NELL1: variants seen among roughly 807,000 people sequenced by gnomAD.
The protein encoded by NELL1 is neural EGFL like 1, also known as protein kinase C-binding protein NELL1.
A neutral mutation model predicts 107.4 loss-of-function variants in NELL1; 76 were observed. The observed-to-expected ratio is 0.71, with a 90% confidence interval of 0.59 to 0.86. The LOEUF (loss-of-function observed/expected upper bound fraction) is 0.86, where lower values mean the gene tolerates loss of function less well. NELL1 is among the 40% of genes least tolerant of loss of function. NELL1 has a pLI of 0.00. For synonymous variants in NELL1, 353 were observed against 341.2 expected (o/e 1.03, Z -0.38); for missense variants, 1,024 against 1,005.5 (o/e 1.02, Z -0.25).
At chr11:21,409,676 C>A (rs535844622) in intron 15 of NELL1, among the ~76,000 whole-genome samples, 1 of 151,930 alleles carries the variant, frequency 6.6e-6, no homozygotes, top group African/African-American at 2.4e-5. Flanking sequence ...CCTGTTTTAA[C>A]GTGAGTATAG....
chr11:21,234,085 C>T (rs1360726543), intron 14 of NELL1, among the ~76,000 whole-genome samples: 1 of 152,010 alleles, frequency 6.6e-6, no homozygotes, highest in Admixed American at 6.6e-5. Flanking sequence ...AAGAATTACC[C>T]AAAATACAGA....
intron 15 of NELL1, among the ~76,000 whole-genome samples, chr11:21,380,559 C>T (rs1480775872): frequency 4.6e-5 from 7 of 151,978 alleles, no homozygotes; most frequent in Non-Finnish European, 1.0e-4. Flanking sequence ...TGTTTTTCTT[C>T]TTTCTTGAAT....
intron 15 of NELL1, among the ~76,000 whole-genome samples, chr11:21,378,701 A>T (rs1851539397): frequency 6.7e-6 from 1 of 148,654 alleles, no homozygotes; most frequent in Admixed American, 6.9e-5. Context: ...TAAGACTTAG[A>T]CACACACACT....
chr11:21,422,252 A>G (rs1317279732), intron 15 of NELL1, among the ~76,000 whole-genome samples: 2 of 152,180 alleles, frequency 1.3e-5, no homozygotes, highest in Non-Finnish European at 2.9e-5. Context: ...AAATAAAAAT[A>G]TACTAGAATG....
intron 12 of NELL1, among the ~76,000 whole-genome samples, chr11:20,986,767 T>G (rs117114492): frequency 0.021 from 3,211 of 152,254 alleles, 55 homozygotes; most frequent in Non-Finnish European, 0.03. Context: ...AACAAGTGAC[T>G]GTCAATATTT....
At chr11:21,314,038 A>G (rs1486028957) in intron 14 of NELL1, among the ~76,000 whole-genome samples, 5 of 113,990 alleles carry the variant, frequency 4.4e-5, no homozygotes, top group African/African-American at 6.5e-5. Flanking sequence ...TGCTTTTGCC[A>G]TGTGAAGTGC....
chr11:20,886,147 G>C (rs1230865542), intron 5 of NELL1, among the ~76,000 whole-genome samples: 1 of 151,908 alleles, frequency 6.6e-6, no homozygotes, highest in Non-Finnish European at 1.5e-5. Flanking sequence ...AAAACTATTT[G>C]GTACCATGCT....
rs188158192 is a variant in NELL1, at chr11:21,086,175, C to A, written c.1301-27414C>A. On this transcript the variant is annotated intron_variant, in intron 12 of 19. Transcript: ENST00000357134. The stretch of plus-strand genomic sequence containing the variant: ...GCTGTGTCATACCCTAACACCTGAC[C>A]AGATCTGTTTTGTTCTCAGTAATTG... 2.6e-3 allele frequency among the ~76,000 whole-genome samples: 398 copies of A among 152,272 alleles called. 3 individuals are homozygous for A. Among genetic ancestry groups the A allele is most frequent in the African/African-American group, 9.3e-3 (388 of 41,558 alleles).
At chr11:21,371,192 T>C (rs924413262) in intron 15 of NELL1, among the ~76,000 whole-genome samples, 3 of 152,116 alleles carry the variant, frequency 2.0e-5, no homozygotes, top group Non-Finnish European at 4.4e-5. Context: ...TTTTCTCTGC[T>C]ATAGCTCAGT....
chr11:21,221,267 G>A (rs1857749568), intron 13 of NELL1, among the ~76,000 whole-genome samples: 3 of 152,138 alleles, frequency 2.0e-5, no homozygotes, highest in South Asian at 2.1e-4. Context: ...GTGTTGTACT[G>A]TTGTATTCAG....
chr11:20,791,328 T>TA (rs1857069354), intron 3 of NELL1, among the ~76,000 whole-genome samples: 1 of 152,232 alleles, frequency 6.6e-6, no homozygotes, highest in African/African-American at 2.4e-5. Flanking sequence ...TGTATTTTTT[T>TA]ATGCTATCAT....
intron 13 of NELL1, among the ~76,000 whole-genome samples, chr11:21,130,018 G>T (rs193262542): frequency 2.0e-5 from 3 of 152,178 alleles, no homozygotes; most frequent in Admixed American, 1.3e-4. Context: ...AATGCAGTAG[G>T]TCTAATTTCT....
At chr11:20,918,131 T>A (rs1850297953) in intron 5 of NELL1, 51 bp from the exon 6 acceptor site, 2 of 999,176 alleles carry the variant, frequency 2.0e-6, no homozygotes, top group Non-Finnish European at 3.2e-6. Flanking sequence ...TAGGGGACAT[T>A]TGAGCTGGTG....
At chr11:21,291,736 G>C (rs72488266) in intron 14 of NELL1, among the ~76,000 whole-genome samples, 1 of 152,096 alleles carries the variant, frequency 6.6e-6, no homozygotes, top group Non-Finnish European at 1.5e-5. Context: ...CCAAGATCAA[G>C]TCAGCTTCAT....
intron 4 of NELL1, among the ~76,000 whole-genome samples, chr11:20,880,382 G>A (rs1477408306): frequency 6.6e-6 from 1 of 152,168 alleles, no homozygotes; most frequent in Non-Finnish European, 1.5e-5. Context: ...CCAAGGGCAT[G>A]TAATGTATTT....
At chr11:20,797,016 A>G (rs1857182995) in intron 3 of NELL1, among the ~76,000 whole-genome samples, 2 of 152,176 alleles carry the variant, frequency 1.3e-5, no homozygotes, top group African/African-American at 4.8e-5. Context: ...TTATTATTGG[A>G]GAGTGGAGAA....
intron 14 of NELL1, among the ~76,000 whole-genome samples, chr11:21,238,754 A>G (rs1858273984): frequency 6.6e-6 from 1 of 152,070 alleles, no homozygotes; most frequent in Non-Finnish European, 1.5e-5. Context: ...CTGTTGTAAG[A>G]GTTGTTGCTG....
chr11:21,100,971 A>T (rs750523139), intron 12 of NELL1, among the ~76,000 whole-genome samples: 3 of 151,272 alleles, frequency 2.0e-5, no homozygotes, highest in Admixed American at 1.3e-4. Context: ...GTATATCTCC[A>T]AATGCTATCC....
chr11:21,234,664 T>C (rs1351778939), intron 14 of NELL1, among the ~76,000 whole-genome samples: 5 of 152,148 alleles, frequency 3.3e-5, no homozygotes, highest in Non-Finnish European at 7.4e-5. Flanking sequence ...TCATTATGAG[T>C]ATGTTTGCAT....
Sources: gnomAD v4.1 joint callset for allele counts (sites outside exome capture counted in the v4.1 genomes callset) on GRCh38, gnomAD v4.1.1 for gene constraint, MANE v1.5 for transcripts, NCBI Gene and HGNC (gene_info 2026-07-23, HGNC 2026-07-21) for gene names.